Variants in CLSTN2 observed in about 807,000 individuals in gnomAD.
The protein encoded by CLSTN2 is calsyntenin-2.
In CLSTN2, 48 loss-of-function variants were observed where a neutral mutation model predicts 101.2. The ratio of observed to expected loss-of-function variants is 0.47; its 90% CI spans 0.38 to 0.60. The LOEUF (loss-of-function observed/expected upper bound fraction) is 0.60. CLSTN2 is among the 20% of genes least tolerant of loss of function. The pLI is 0.00. For synonymous variants in CLSTN2, 481 were observed against 463.6 expected (o/e 1.04, Z -0.48); for missense variants, 1,160 against 1,238.2 (o/e 0.94, Z 0.95).
chr3:140,290,767 G>A (rs2086939211), intron 2 of CLSTN2, among the ~76,000 whole-genome samples: 1 of 152,194 alleles, frequency 6.6e-6, no homozygotes, highest in African/African-American at 2.4e-5. Flanking sequence ...GCCACCTTTA[G>A]CTGCTACTCC....
chr3:140,439,582 AG>A (rs1165963371), intron 5 of CLSTN2, among the ~76,000 whole-genome samples: 2 of 152,250 alleles, frequency 1.3e-5, no homozygotes, highest in Middle Eastern at 3.2e-3. Flanking sequence ...GAGAATGTCT[AG>A]GGACTAAAAA....
At chr3:140,207,020 AC>A (rs2010792823) in intron 2 of CLSTN2, among the ~76,000 whole-genome samples, 1 of 151,922 alleles carries the variant, frequency 6.6e-6, no homozygotes, top group South Asian at 2.1e-4. Flanking sequence ...CCTCCTTTTG[AC>A]CCATCCAGGT....
chr3:140,207,968 C>G (rs1472972221), intron 2 of CLSTN2, among the ~76,000 whole-genome samples: 1 of 152,014 alleles, frequency 6.6e-6, no homozygotes, highest in Non-Finnish European at 1.5e-5. Context: ...GTAATTATTG[C>G]TTCCCTATTA....
chr3:140,177,204 C>T (rs1010589299), intron 2 of CLSTN2, among the ~76,000 whole-genome samples: 9 of 152,114 alleles, frequency 5.9e-5, no homozygotes, highest in Non-Finnish European at 8.8e-5. Context: ...CTGTGACTTC[C>T]GTGATGTTTA....
At chr3:140,033,943 G>A (rs199916718) in intron 1 of CLSTN2, among the ~76,000 whole-genome samples, 24 of 152,302 alleles carry the variant, frequency 1.6e-4, no homozygotes, top group East Asian at 7.7e-4. Context: ...GAGAGAAAAT[G>A]TCTCTCATTA....
chr3:140,468,407 T>G (rs985252641), intron 8 of CLSTN2, among the ~76,000 whole-genome samples: 2 of 152,146 alleles, frequency 1.3e-5, no homozygotes, highest in Non-Finnish European at 2.9e-5. Flanking sequence ...AAATTAAAAA[T>G]AGGTGAGGAA....
At chr3:140,260,144 A>ACC (rs2086638314) in intron 2 of CLSTN2, among the ~76,000 whole-genome samples, 1 of 148,222 alleles carries the variant, frequency 6.7e-6, no homozygotes, top group Admixed American at 6.8e-5. Flanking sequence ...AAATATATAT[A>ACC]TATATATATA....
chr3:140,016,809 A>G (rs1164059178), intron 1 of CLSTN2, among the ~76,000 whole-genome samples: 1 of 151,596 alleles, frequency 6.6e-6, no homozygotes, highest in African/African-American at 2.4e-5. Context: ...AAAAAAAAAA[A>G]AAAAAGAAAC....
chr3:140,153,258 C>T (rs569772492), intron 1 of CLSTN2, among the ~76,000 whole-genome samples: 11 of 152,296 alleles, frequency 7.2e-5, no homozygotes, highest in South Asian at 2.1e-4. Context: ...CAAGTACACC[C>T]GTTGGCACTG....
At chr3:140,551,257 C>T (rs531872261) in intron 10 of CLSTN2, among the ~76,000 whole-genome samples, 4 of 152,200 alleles carry the variant, frequency 2.6e-5, no homozygotes, top group Middle Eastern at 3.4e-3. Context: ...TCTGGCTGGT[C>T]GAGAGAATTG....
At chr3:140,126,175 G>A (rs2009426618) in intron 1 of CLSTN2, among the ~76,000 whole-genome samples, 1 of 152,094 alleles carries the variant, frequency 6.6e-6, no homozygotes, top group African/African-American at 2.4e-5. Context: ...GAGATGCTAT[G>A]GGTATGGAGA....
intron 1 of CLSTN2, among the ~76,000 whole-genome samples, chr3:140,083,588 C>A (rs1341468631): frequency 2.0e-5 from 3 of 152,214 alleles, no homozygotes; most frequent in Non-Finnish European, 4.4e-5. Flanking sequence ...TTTTGCCCCA[C>A]CAATATTCTA....
chr3:140,527,216 A>G (rs567167), intron 8 of CLSTN2, among the ~76,000 whole-genome samples: 23,457 of 152,124 alleles, frequency 0.15, 2,141 homozygotes, highest in East Asian at 0.35. Flanking sequence ...ATCTACAAGG[A>G]ACATAAATCA....
intron 8 of CLSTN2, among the ~76,000 whole-genome samples, chr3:140,485,128 A>G (rs2083093131): frequency 6.6e-6 from 1 of 152,086 alleles, no homozygotes; most frequent in African/African-American, 2.4e-5. Flanking sequence ...TGACGTACAG[A>G]TGGGATTTTG....
chr3:139,985,590 G>T (rs1026909271), intron 1 of CLSTN2, among the ~76,000 whole-genome samples: 3 of 152,096 alleles, frequency 2.0e-5, no homozygotes, highest in African/African-American at 7.2e-5. Context: ...CACGTGCATT[G>T]TTTTTCCTAA....
intron 1 of CLSTN2, among the ~76,000 whole-genome samples, chr3:140,155,611 G>A (rs181422046): frequency 1.3e-4 from 20 of 152,316 alleles, no homozygotes; most frequent in Admixed American, 5.2e-4. Context: ...GTCTCCCAAA[G>A]CAAGTGACTG....
chr3:140,206,673 C>G (rs889845953), intron 2 of CLSTN2, among the ~76,000 whole-genome samples: 2 of 152,190 alleles, frequency 1.3e-5, no homozygotes, highest in African/African-American at 4.8e-5. Context: ...GGATTTGAAG[C>G]AGCCGAGGAG....
intron 1 of CLSTN2, among the ~76,000 whole-genome samples, chr3:139,967,725 G>A (rs1416551437): frequency 1.3e-5 from 2 of 152,184 alleles, no homozygotes; most frequent in Non-Finnish European, 1.5e-5. Flanking sequence ...AGAGCTCCCA[G>A]CTTCCCAGGA....
At chr3:140,504,381 G>A (rs1934643873) in intron 8 of CLSTN2, among the ~76,000 whole-genome samples, 1 of 151,982 alleles carries the variant, frequency 6.6e-6, no homozygotes, top group African/African-American at 2.4e-5. Flanking sequence ...AAAAAAGGTG[G>A]TGCTCCACTA....
Sources: allele counts gnomAD v4.1 joint callset (sites outside exome capture counted in the v4.1 genomes callset), GRCh38; gene constraint gnomAD v4.1.1; transcripts MANE v1.5; gene names NCBI Gene and HGNC (gene_info 2026-07-23, HGNC 2026-07-21).